Variants in RBPJ observed in about 807,000 individuals in gnomAD.
RBPJ encodes the protein recombination signal binding protein for immunoglobulin kappa J region.
RBPJ carries 9 observed loss-of-function variants against 67.8 expected under a neutral mutation model. The ratio of observed to expected loss-of-function variants is 0.13; its 90% CI spans 0.08 to 0.23. The LOEUF is 0.23. Ranked by LOEUF, RBPJ falls within the 10% of genes least tolerant of loss-of-function variation. RBPJ has a pLI of 1.00. For synonymous variants in RBPJ, 198 were observed against 203.3 expected (o/e 0.97, Z 0.22); for missense variants, 305 against 595.6 (o/e 0.51, Z 5.08).
chr4:26,135,944 T>G, the RBPJ span, among the ~76,000 whole-genome samples: 1 of 152,080 alleles, frequency 6.6e-6, no homozygotes, highest in South Asian at 2.1e-4. Flanking sequence ...AAAAGGTATG[T>G]CTATAAAGGA....
intron 2 of RBPJ, among the ~76,000 whole-genome samples, chr4:26,391,113 C>T (rs531047272): frequency 6.6e-6 from 1 of 152,192 alleles, no homozygotes; most frequent in East Asian, 1.9e-4. Flanking sequence ...CCTGTGGATT[C>T]AACACAATCA....
chr4:26,261,533 C>T (rs1032106956), intron 1 of RBPJ, among the ~76,000 whole-genome samples: 4 of 152,054 alleles, frequency 2.6e-5, no homozygotes, highest in Non-Finnish European at 5.9e-5. Context: ...GTGGTCAGGC[C>T]CCCTTTGGGT....
intron 1 of RBPJ, among the ~76,000 whole-genome samples, chr4:26,295,245 A>AGTGTGTGTGTGTGT (rs71932374): frequency 0.038 from 5,515 of 147,042 alleles, 295 homozygotes; most frequent in African/African-American, 0.12. Context: ...AGGGTGCATC[A>AGTGTGTGTGTGTGT]GTGTGTGTGT....
intron 1 of RBPJ, among the ~76,000 whole-genome samples, chr4:26,340,885 GAA>G (rs1228720849): frequency 6.7e-6 from 1 of 150,322 alleles, no homozygotes; most frequent in Non-Finnish European, 1.5e-5. Flanking sequence ...AAAAAAAAAA[GAA>G]AGAAAGGTAG....
At chr4:26,339,736 T>C (rs1184427882) in intron 1 of RBPJ, among the ~76,000 whole-genome samples, 1 of 151,848 alleles carries the variant, frequency 6.6e-6, no homozygotes, top group Non-Finnish European at 1.5e-5. Context: ...ATTAGAACAC[T>C]TCTGGTCAGG....
At chr4:26,105,675 G>A in the RBPJ span, among the ~76,000 whole-genome samples, 35 of 152,262 alleles carry the variant, frequency 2.3e-4, no homozygotes, top group South Asian at 6.0e-3. Flanking sequence ...TGGAGAACAC[G>A]GAAAGATTGA....
At chr4:26,272,319 C>T (rs1362182409) in intron 1 of RBPJ, among the ~76,000 whole-genome samples, 1 of 152,154 alleles carries the variant, frequency 6.6e-6, no homozygotes, top group African/African-American at 2.4e-5. Context: ...ATAAGCCCAA[C>T]ATTTGGGAGA....
At chr4:26,174,095 G>A (rs1035716503) in intron 1 of RBPJ, among the ~76,000 whole-genome samples, 26 of 152,148 alleles carry the variant, frequency 1.7e-4, no homozygotes, top group African/African-American at 4.8e-5. Flanking sequence ...TCAACAGGAC[G>A]GTTGCTTGCT....
chr4:26,212,232 A>G (rs1718449362), intron 1 of RBPJ, among the ~76,000 whole-genome samples: 1 of 152,130 alleles, frequency 6.6e-6, no homozygotes, highest in Admixed American at 6.6e-5. Context: ...TTTTACTTTT[A>G]ACATAGGGTG....
intron 1 of RBPJ, among the ~76,000 whole-genome samples, chr4:26,211,274 C>G (rs977352803): frequency 2.0e-5 from 3 of 152,112 alleles, no homozygotes; most frequent in African/African-American, 7.2e-5. Context: ...ATCAGATATT[C>G]AAAAATGTTA....
intron 1 of RBPJ, among the ~76,000 whole-genome samples, chr4:26,230,035 C>T (rs1381566751): frequency 6.6e-6 from 1 of 151,810 alleles, no homozygotes; most frequent in African/African-American, 2.4e-5. Flanking sequence ...CAAAAAAATA[C>T]AAAAAATAGT....
chr4:26,162,499 C>T (rs566149607), upstream of RBPJ, among the ~76,000 whole-genome samples: 1 of 152,198 alleles, frequency 6.6e-6, no homozygotes, highest in African/African-American at 2.4e-5. Context: ...TTCAATGTTA[C>T]TTTACCAAGT....
At chr4:26,411,975 CG>C (rs1734065639) in intron 3 of RBPJ, among the ~76,000 whole-genome samples, 1 of 150,952 alleles carries the variant, frequency 6.6e-6, no homozygotes, top group African/African-American at 2.4e-5. Context: ...ATTAGCCAGG[CG>C]TGGTGGCGGG....
intron 1 of RBPJ, among the ~76,000 whole-genome samples, chr4:26,345,354 A>G (rs938883275): frequency 1.4e-4 from 22 of 152,218 alleles, no homozygotes; most frequent in Non-Finnish European, 2.9e-4. Flanking sequence ...CTCTCTTGGG[A>G]TTTCCCAGTT....
At chr4:26,325,059 A>G (rs1723479328) in intron 1 of RBPJ, among the ~76,000 whole-genome samples, 1 of 152,192 alleles carries the variant, frequency 6.6e-6, no homozygotes, top group Non-Finnish European at 1.5e-5. Context: ...TATTGACTGA[A>G]TGAAACCTGT....
At chr4:26,423,182 T>C (rs746780699) in intron 5 of RBPJ, among the ~76,000 whole-genome samples, 2 of 152,116 alleles carry the variant, frequency 1.3e-5, no homozygotes, top group African/African-American at 2.4e-5. Flanking sequence ...TAGGGGAAAA[T>C]AGAACCAAGT....
chr4:26,343,288 C>G (rs1241245111), intron 1 of RBPJ: 1 of 152,124 alleles, frequency 6.6e-6, no homozygotes, highest in Non-Finnish European at 1.5e-5. Flanking sequence ...TGTAATGAAT[C>G]TCTAAACATA....
At chr4:26,362,684 T>C in intron 1 of RBPJ, 6 of 1,351,020 alleles carry the variant, frequency 4.4e-6, no homozygotes, top group Non-Finnish European at 6.3e-6. Flanking sequence ...TGAACACTCA[T>C]GATTCTGTAT....
chr4:26,307,157 G>C (rs1722264006), intron 1 of RBPJ, among the ~76,000 whole-genome samples: 3 of 152,116 alleles, frequency 2.0e-5, no homozygotes, highest in African/African-American at 7.2e-5. Flanking sequence ...GTAAAAACAG[G>C]AATAAAATTA....
Sources: gnomAD v4.1 joint callset for allele counts (sites outside exome capture counted in the v4.1 genomes callset) on GRCh38, gnomAD v4.1.1 for gene constraint, MANE v1.5 for transcripts, NCBI Gene and HGNC (gene_info 2026-07-23, HGNC 2026-07-21) for gene names.